Variants in ADK observed in about 807,000 individuals in gnomAD.
The protein encoded by ADK is adenosine kinase.
A neutral mutation model predicts 44.7 loss-of-function variants in ADK; 24 were observed. That is an observed-to-expected ratio of 0.54 (90% CI 0.39 to 0.76). The LOEUF is 0.76. ADK is among the 30% of genes least tolerant of loss of function. The pLI is 0.00. For synonymous variants in ADK, 128 were observed against 142.6 expected (o/e 0.90, Z 0.73); for missense variants, 321 against 425.1 (o/e 0.76, Z 2.15).
At chr10:74,487,971 G>T (rs1847324704) in intron 6 of ADK, among the ~76,000 whole-genome samples, 1 of 152,154 alleles carries the variant, frequency 6.6e-6, no homozygotes, top group South Asian at 2.1e-4. Flanking sequence ...GTGATTCAGT[G>T]TAGCATCCTA....
chr10:74,595,463 G>A (rs1411539043), intron 8 of ADK, among the ~76,000 whole-genome samples: 11 of 120,602 alleles, frequency 9.1e-5, no homozygotes, highest in African/African-American at 3.1e-4. Context: ...TGCAAGCTCC[G>A]CCTCCCGGGT....
chr10:74,247,197 G>T (rs1845447953), intron 3 of ADK, among the ~76,000 whole-genome samples: 2 of 140,184 alleles, frequency 1.4e-5, no homozygotes, highest in Admixed American at 7.1e-5. Context: ...ACTGACATCT[G>T]GCTTTTTTTG....
intron 10 of ADK, among the ~76,000 whole-genome samples, chr10:74,701,020 C>T (rs570829088): frequency 1.3e-5 from 2 of 152,272 alleles, no homozygotes; most frequent in Non-Finnish European, 2.9e-5. Flanking sequence ...CACCAGAGAA[C>T]AGAAAATTAA....
chr10:74,680,774 T>C (rs1423238649), intron 10 of ADK, among the ~76,000 whole-genome samples: 1 of 152,230 alleles, frequency 6.6e-6, no homozygotes, highest in Non-Finnish European at 1.5e-5. Flanking sequence ...ATTAGCAGCA[T>C]GATTGTCAAA....
chr10:74,624,177 G>A (rs991453090), intron 9 of ADK, among the ~76,000 whole-genome samples: 1 of 151,152 alleles, frequency 6.6e-6, no homozygotes, highest in African/African-American at 2.4e-5. Context: ...TAACCAAGCT[G>A]GCTTATCCTA....
At chr10:74,638,240 A>G (rs1012924580) in intron 9 of ADK, among the ~76,000 whole-genome samples, 1 of 152,194 alleles carries the variant, frequency 6.6e-6, no homozygotes, top group Non-Finnish European at 1.5e-5. Context: ...TATGGACTGA[A>G]TGTTAAAGTG....
At chr10:74,504,543 G>A (rs1303677607) in intron 6 of ADK, among the ~76,000 whole-genome samples, 1 of 152,108 alleles carries the variant, frequency 6.6e-6, no homozygotes, top group Non-Finnish European at 1.5e-5. Flanking sequence ...ATTATACAGT[G>A]TATTTTTGTA....
chr10:74,405,621 G>A (rs1843893554), intron 6 of ADK, among the ~76,000 whole-genome samples: 1 of 152,056 alleles, frequency 6.6e-6, no homozygotes, highest in African/African-American at 2.4e-5. Context: ...GCACAAGCGA[G>A]GGATCTAGGT....
At chr10:74,577,154 A>G (rs369137028) in intron 7 of ADK, among the ~76,000 whole-genome samples, 4 of 62,208 alleles carry the variant, frequency 6.4e-5, no homozygotes, top group Admixed American at 1.6e-4. Context: ...GTGTGTGTGT[A>G]GTCTAACTTG....
At chr10:74,356,002 ATTTTTTTTTT>A (rs34454856) in intron 4 of ADK, among the ~76,000 whole-genome samples, 2 of 83,310 alleles carry the variant, frequency 2.4e-5, no homozygotes, top group African/African-American at 5.1e-5. Context: ...TAAATAATTC[ATTTTTTTTTT>A]TTTTTTTTTT....
intron 1 of ADK, among the ~76,000 whole-genome samples, chr10:74,175,566 CAT>C (rs980725109): frequency 3.9e-5 from 6 of 152,120 alleles, no homozygotes; most frequent in Non-Finnish European, 5.9e-5. Context: ...TGATTTCAGA[CAT>C]ATGAAATTGA....
At chr10:74,595,855 G>A (rs1331497616) in intron 8 of ADK, among the ~76,000 whole-genome samples, 3 of 151,130 alleles carry the variant, frequency 2.0e-5, no homozygotes, top group African/African-American at 7.3e-5. Flanking sequence ...AAATTAGTTG[G>A]GTGTGGTGGC....
intron 2 of ADK, among the ~76,000 whole-genome samples, chr10:74,208,303 C>T (rs1452787503): frequency 1.3e-5 from 2 of 152,234 alleles, no homozygotes; most frequent in African/African-American, 4.8e-5. Flanking sequence ...CCACCTGTTC[C>T]CAGCTCCCAT....
intron 3 of ADK, among the ~76,000 whole-genome samples, chr10:74,226,392 G>A (rs1844542593): frequency 6.6e-6 from 1 of 152,094 alleles, no homozygotes; most frequent in African/African-American, 2.4e-5. Context: ...TCACAGGCTT[G>A]AGCCACCGTG....
chr10:74,439,014 G>A (rs536100143), intron 6 of ADK, among the ~76,000 whole-genome samples: 9 of 152,270 alleles, frequency 5.9e-5, no homozygotes, highest in East Asian at 1.9e-4. Context: ...TGTAGTCAGC[G>A]TTTTTCCAAA....
Position 74,353,036 on chromosome 10 carries a change from C to T in ADK, c.273+38291C>T, listed in dbSNP as rs141275624. Among the ~76,000 whole-genome samples, 318 of 152,276 alleles carry T rather than the reference C, an allele frequency of 2.1e-3. 1 individual carries two copies. The highest frequency in any genetic ancestry group is 7.1e-3 in the African/African-American group (293 of 41,546). ...CCTCAAGGATCTAGAACCAGACATA[C>T]CATTTGACCGAGCAATCCCATTACT... On this transcript the variant is annotated intron_variant, in intron 4 of 10. Coordinates refer to ENST00000539909, the MANE Select transcript of ADK (RefSeq NM_006721.4).
chr10:74,678,789 A>T (rs1294101043), intron 10 of ADK, among the ~76,000 whole-genome samples: 2 of 152,224 alleles, frequency 1.3e-5, no homozygotes, highest in African/African-American at 4.8e-5. Flanking sequence ...TTGTGACATA[A>T]CAAAATATAT....
intron 6 of ADK, among the ~76,000 whole-genome samples, chr10:74,454,320 T>C (rs565862842): frequency 1.3e-3 from 196 of 152,298 alleles, no homozygotes; most frequent in Middle Eastern, 3.4e-3. Flanking sequence ...GCAAAAGTTT[T>C]GAAGTATTGC....
chr10:74,358,823 A>C (rs1410699819), intron 4 of ADK, among the ~76,000 whole-genome samples: 1 of 152,258 alleles, frequency 6.6e-6, no homozygotes, highest in East Asian at 1.9e-4. Flanking sequence ...AACATACATA[A>C]TTTGTAAATA....
Sources: allele counts gnomAD v4.1 joint callset (sites outside exome capture counted in the v4.1 genomes callset), GRCh38; gene constraint gnomAD v4.1.1; transcripts MANE v1.5; gene names NCBI Gene and HGNC (gene_info 2026-07-23, HGNC 2026-07-21).